Variants in CDC42BPG observed in about 807,000 individuals in gnomAD.
The protein encoded by CDC42BPG is serine/threonine-protein kinase MRCK gamma.
Under a neutral mutation model 192.2 loss-of-function variants are expected in CDC42BPG, and 157 were observed. That is an observed-to-expected ratio of 0.82 (90% CI 0.72 to 0.93). CDC42BPG has a LOEUF of 0.93. CDC42BPG is among the 40% of genes least tolerant of loss of function. The pLI is 0.00. For synonymous variants in CDC42BPG, 981 were observed against 918.5 expected, an observed-to-expected ratio of 1.07 and a Z score of -1.23; for missense variants, 1,992 against 2,122.1, an observed-to-expected ratio of 0.94 and a Z score of 1.20.
chr11:64,830,394 G>A, intron 28 of CDC42BPG, 138 bp from the exon 29 acceptor site: 1 of 754,732 alleles, frequency 1.3e-6, no homozygotes, highest in South Asian at 1.6e-5. Flanking sequence ...CTGCCTCACT[G>A]ACCCTTCTCT....
chr11:64,835,725 G>C (rs749390170), intron 14 of CDC42BPG, 37 bp downstream of exon 14: 10 of 1,611,644 alleles, frequency 6.2e-6, no homozygotes, highest in Non-Finnish European at 7.6e-6. Context: ...CAGGCTGGTG[G>C]GGAAGCACCT....
At chr11:64,839,675 C>T (rs971007725) in intron 5 of CDC42BPG, 104 bp from the exon 6 acceptor site, 1 of 878,768 alleles carries the variant, frequency 1.1e-6, no homozygotes, top group Non-Finnish European at 1.8e-6. Context: ...AGCACCAGCT[C>T]ACACACATTC....
Position 64,830,289 on chromosome 11 carries a change from C to T in CDC42BPG, c.3305-33G>A, listed in dbSNP as rs760039587. ...AGGGAGGCAGAGGGTCAGAGGTCAG[C>T]AGTCCCACTCAATGACACGGAGATT... is the stretch of plus-strand genomic sequence containing the variant. On this transcript the variant is annotated intron_variant, in intron 28 of 36. Transcript: ENST00000342711. The T allele has an allele frequency of 1.9e-6, 3 of 1,550,748 alleles. No homozygotes were observed. In the South Asian group the frequency reaches 3.5e-5, roughly 18 times the overall value.
At chr11:64,830,164 C>A in intron 29 of CDC42BPG, 30 bp downstream of exon 29, 1 of 1,613,324 alleles carries the variant, frequency 6.2e-7, no homozygotes, top group Non-Finnish European at 8.5e-7. Flanking sequence ...CCCCTGCCCA[C>A]GCCCACCCTA....
In CDC42BPG at chr11:64,840,323, AC is replaced by A. The variant is rs1943224349; in HGVS notation, c.433-56del. On this transcript the variant is annotated intron_variant, in intron 4 of 36. Transcript: ENST00000342711. The stretch of plus-strand genomic sequence containing the variant: ...GGGGAAGGGTGCACCTGGCCACTTC[AC>A]CGCGGTCCCGCAGGGCTCTGGGAAG... The A allele has an allele frequency of 1.9e-6, 3 of 1,588,554 alleles. No individual in the cohort carries two copies. The African/African-American group carries it at 4.0e-5, about 21-fold the overall frequency.
rs769398599 is a variant in CDC42BPG at position 64,832,439 on chromosome 11, G to A, written c.3076C>T (p.Arg1026Cys). Residue 1026 changes from arginine to cysteine, a missense_variant, in exon 27 of 37, where the codon CGC becomes TGC. Around this residue, in one of 2 missense-constraint regions of CDC42BPG, gnomAD observed 1,656 missense variants for 1,844.3 expected, o/e 0.90. Transcript: ENST00000342711. ...VIHAQSRDLP[R>C]IFRVTTSQLA... The stretch of plus-strand genomic sequence containing the variant: ...TCCCAGGCACTCACCCTAAAGATGC[G>A]TGGCAGGTCCCTGGATTGGGCATGG... The A allele has an allele frequency of 8.7e-6, 14 of 1,613,840 alleles. No homozygotes were observed. The highest frequency in any genetic ancestry group is 2.2e-5 in the East Asian group (1 of 44,898).
chr11:64,829,538 G>A lies in CDC42BPG; in HGVS notation c.3900C>T (p.Tyr1300=), dbSNP rs371227556. ...FLLLFTTAGI[Y]VDGAGRKSRG... ...GAGACTTGCGGCCTGCGCCATCCAC[G>A]TAGATGCCAGCAGTGGTGAAGAGTA... The change falls in exon 30 of 37, where the codon TAC becomes TAT. Residue 1300 remains tyrosine, a synonymous_variant. Coordinates refer to ENST00000342711, the MANE Select transcript of CDC42BPG (RefSeq NM_017525.3). 88 of 1,612,818 alleles carry A rather than the reference G, an allele frequency of 5.5e-5. No homozygotes were observed. The Middle Eastern group carries it at 1.8e-3, about 33-fold the overall frequency.
At chr11:64,828,131 G>A (rs368441499) in intron 30 of CDC42BPG, among the ~76,000 whole-genome samples, 24 of 152,162 alleles carry the variant, frequency 1.6e-4, no homozygotes, top group African/African-American at 5.8e-4. Context: ...GCTGCGATTT[G>A]GCCCTGGGCA....
Position 64,840,654 on chromosome 11 carries a change from G to A in CDC42BPG, c.337-6C>T. 1 of 1,613,644 alleles carries A rather than the reference G, an allele frequency of 6.2e-7. No homozygotes were observed. Among genetic ancestry groups the A allele is most frequent in the Non-Finnish European group, 8.5e-7 (1 of 1,179,958 alleles). ...TCCTCCCGGAAACAGGCTGTCTGCA[G>A]CAGGTTTGGGGAAGTAAGGGGTGGG... On this transcript the variant is annotated splice_polypyrimidine_tract_variant and splice_region_variant and intron_variant, in intron 3 of 36. Coordinates refer to ENST00000342711, the MANE Select transcript of CDC42BPG (RefSeq NM_017525.3).
chr11:64,836,651 A>C, intron 11 of CDC42BPG, 88 bp downstream of exon 11: 2 of 1,070,200 alleles, frequency 1.9e-6, no homozygotes, highest in South Asian at 2.8e-5. Flanking sequence ...CTCTCCCAGG[A>C]TCATACAGCT....
At position 64,836,727 on chromosome 11, in the gene CDC42BPG, C is replaced by CCG; in HGVS notation, c.1384+11_1384+12insCG. ...GCCCTGGGGGGGGGGGGGGGGTGGG[C>CCG]GGAAGGGATACCTGGCAGCCTGTCC... On this transcript the variant is annotated intron_variant, in intron 11 of 36. Coordinates refer to ENST00000342711, the MANE Select transcript of CDC42BPG (RefSeq NM_017525.3). The CCG allele has an allele frequency of 3.8e-6, 2 of 527,674 alleles. No homozygotes were observed. Among genetic ancestry groups the CCG allele is most frequent in the Non-Finnish European group, 2.8e-6 (1 of 363,578 alleles). 32.7% of individuals were successfully genotyped at this position (527,674 alleles called of 1,614,324 possible).
intron 8 of CDC42BPG, 65 bp from the exon 9 acceptor site, chr11:64,838,227 AG>A: frequency 7.5e-7 from 1 of 1,335,472 alleles, no homozygotes; most frequent in East Asian, 2.5e-5. Context: ...AAGGCCCAGG[AG>A]CCCCCTGGGA....
At position 64,836,944 on chromosome 11, in the gene CDC42BPG, C is replaced by T. The variant is rs1302069439; in HGVS notation, c.1281G>A (p.Val427=). The change falls in exon 10 of 37, where the codon GTG becomes GTA. Residue 427 remains valine, a synonymous_variant. Transcript: ENST00000342711. ...RKLQCLEQEK[V]ELSRKHQEAL... The stretch of plus-strand genomic sequence containing the variant: ...TACCTTGGTGCTTCCTGCTCAGCTC[C>T]ACCTTCTCCTGCTCCAGACACTGGA... 1 of 1,613,558 alleles carries T rather than the reference C, an allele frequency of 6.2e-7. No homozygotes were observed.
rs368000385 is a variant in CDC42BPG, at chr11:64,825,873, C to G, written c.4599+597G>C. ...TTGAGGTCAGGAGTTCGAGACCAGC[C>G]TGGCCAACATAATGAAACCCCATCT... On this transcript the variant is annotated intron_variant, in intron 36 of 36. Transcript: ENST00000342711. 7.2e-5 allele frequency among the ~76,000 whole-genome samples: 11 copies of G among 152,204 alleles called. No individual in the cohort carries two copies. In the East Asian group the frequency reaches 1.5e-3, roughly 21 times the overall value.
intron 1 of CDC42BPG, among the ~76,000 whole-genome samples, chr11:64,843,997 A>G (rs534723150): frequency 6.6e-6 from 1 of 152,238 alleles, no homozygotes; most frequent in South Asian, 2.1e-4. Flanking sequence ...GTGTGTCTCA[A>G]TGCATCCGAG....
chr11:64,838,871 T>A lies in CDC42BPG; in HGVS notation c.908A>T (p.Asp303Val), dbSNP rs1201446797. Residue 303 changes from aspartate to valine, a missense_variant, in exon 8 of 37, where the codon GAC (aspartate) becomes GTC (valine). Around this residue, in one of 2 missense-constraint regions of CDC42BPG, gnomAD observed 1,656 missense variants for 1,844.3 expected, o/e 0.90. Coordinates refer to ENST00000342711, the MANE Select transcript of CDC42BPG (RefSeq NM_017525.3). ...DHLQFPPDVP[D>V]VPASAQDLIR... Reference sequence around the variant, plus strand: ...CAGGTCTTGGGCGCTGGCTGGCACGTCAGGCACGTCCGGGGGGAACTGCAG... The same window carrying A: ...CAGGTCTTGGGCGCTGGCTGGCACGACAGGCACGTCCGGGGGGAACTGCAG... The A allele has an allele frequency of 6.3e-7, 1 of 1,594,544 alleles. No homozygotes were observed. The highest frequency in any genetic ancestry group is 8.5e-7 in the Non-Finnish European group (1 of 1,173,018).
At chr11:64,833,028 C>T in intron 24 of CDC42BPG, 69 bp from the exon 25 acceptor site, 1 of 1,473,572 alleles carries the variant, frequency 6.8e-7, no homozygotes. Context: ...AGGACGGGGG[C>T]ATGTCCAGAG....
chr11:64,829,637 C>T lies in CDC42BPG; in HGVS notation c.3801G>A (p.Glu1267=), dbSNP rs752140867. The part of the protein sequence containing the change: ...PLALGAGLVP[E]ELPPSRGGLG... ...GGCCCCCGCGGGATGGTGGCAGCTC[C>T]TCAGGCACCAAACCGGCCCCCAGCG... Residue 1267 remains glutamate, a synonymous_variant, in exon 30 of 37, where the codon GAG becomes GAA. Coordinates refer to ENST00000342711, the MANE Select transcript of CDC42BPG (RefSeq NM_017525.3). 4.3e-6 allele frequency: 7 copies of T among 1,611,674 alleles called. No homozygotes were observed. The highest frequency in any genetic ancestry group is 5.9e-6 in the Non-Finnish European group (7 of 1,179,442).
In CDC42BPG at chr11:64,844,637, C is replaced by G. The variant is rs934266861; in HGVS notation, c.-68G>C. 2.9e-5 allele frequency: 35 copies of G among 1,186,650 alleles called. No homozygotes were observed. The highest frequency in any genetic ancestry group is 4.4e-5 in the Admixed American group (1 of 22,938). 73.5% of individuals were successfully genotyped at this position (1,186,650 alleles called of 1,614,324 possible). Reference sequence around the variant, plus strand: ...CCGCATGCCCGCCTGTCGGGCCGTCCGTCCGCCCAACCGTCTGAGGCTCTG... The same window carrying G: ...CCGCATGCCCGCCTGTCGGGCCGTCGGTCCGCCCAACCGTCTGAGGCTCTG... On this transcript the variant is annotated 5_prime_UTR_variant, in exon 1 of 37. Coordinates refer to ENST00000342711, the MANE Select transcript of CDC42BPG (RefSeq NM_017525.3).
Sources: gnomAD v4.1 joint callset for allele counts (sites outside exome capture counted in the v4.1 genomes callset) on GRCh38, gnomAD v4.1.1 for gene constraint, gnomAD v4.1.1 regional missense constraint, MANE v1.5 for transcripts, NCBI Gene and HGNC (gene_info 2026-07-23, HGNC 2026-07-21) for gene names.